Variants in RGSL1 observed in about 807,000 individuals in gnomAD.
RGSL1 encodes the protein regulator of G protein signaling protein-like.
A neutral mutation model predicts 124.7 loss-of-function variants in RGSL1; 97 were observed. That is an observed-to-expected ratio of 0.78 (90% CI 0.66 to 0.92). RGSL1 has a LOEUF of 0.92. Among genes scored for constraint, RGSL1 ranks in the 40% least tolerant of loss-of-function variants. RGSL1 has a pLI of 0.00. For synonymous variants in RGSL1, 424 were observed against 438.1 expected, an observed-to-expected ratio of 0.97 and a Z score of 0.40; for missense variants, 1,233 against 1,288.4, an observed-to-expected ratio of 0.96 and a Z score of 0.66.
chr1:182,517,934 T>A (rs1658021793), intron 9 of RGSL1, among the ~76,000 whole-genome samples: 2 of 152,238 alleles, frequency 1.3e-5, no homozygotes, highest in African/African-American at 4.8e-5. Context: ...TTGCTCTTGT[T>A]TCTTGTGGGT....
At chr1:182,501,302 CTTTT>C (rs1656351993) in intron 9 of RGSL1, among the ~76,000 whole-genome samples, 1 of 54,240 alleles carries the variant, frequency 1.8e-5, no homozygotes, top group Non-Finnish European at 3.7e-5. Context: ...TTTCTTTTTT[CTTTT>C]CTTTTTTTTT....
chr1:182,478,410 A>G (rs1654455766), intron 6 of RGSL1, among the ~76,000 whole-genome samples: 2 of 152,234 alleles, frequency 1.3e-5, no homozygotes, highest in African/African-American at 4.8e-5. Context: ...TAATGACTCA[A>G]CTGAAAAATT....
intron 4 of RGSL1, among the ~76,000 whole-genome samples, chr1:182,461,688 G>A (rs1242931473): frequency 6.6e-6 from 1 of 152,108 alleles, no homozygotes; most frequent in Non-Finnish European, 1.5e-5. Flanking sequence ...AAGTAATTCT[G>A]TAGCTGAAAA....
chr1:182,491,246 C>T (rs1032438588), intron 8 of RGSL1, among the ~76,000 whole-genome samples: 9 of 152,072 alleles, frequency 5.9e-5, no homozygotes, highest in African/African-American at 2.2e-4. Flanking sequence ...GATGGAGTCT[C>T]GCTTTGTCTC....
At chr1:182,553,985 T>C (rs955058637) in intron 19 of RGSL1, among the ~76,000 whole-genome samples, 11 of 152,156 alleles carry the variant, frequency 7.2e-5, no homozygotes, top group African/African-American at 2.7e-4. Flanking sequence ...ATGAATCTCT[T>C]CCCTGTCACA....
chr1:182,538,104 A>T (rs1659660884), intron 14 of RGSL1, among the ~76,000 whole-genome samples: 1 of 152,202 alleles, frequency 6.6e-6, no homozygotes, highest in Non-Finnish European at 1.5e-5. Context: ...CACTGTCCTT[A>T]ATTCTCTGAC....
chr1:182,554,668 G>T lies in RGSL1; in HGVS notation c.3172G>T (p.Ala1058Ser). Reference sequence around the variant, plus strand: ...TACTCAGCCAAGACTCGTGGTATCTGCCATGCAGCTGCATCCCGTCCAGGG... The same window carrying T: ...TACTCAGCCAAGACTCGTGGTATCTTCCATGCAGCTGCATCCCGTCCAGGG... ...KLTQPRLVVS[A>S]MQLHPVQGQK... is the part of the protein sequence containing the mutation. Residue 1058 changes from alanine to serine, a missense_variant, in exon 20 of 22, where the codon GCC becomes TCC. Transcript: ENST00000294854. 3 of 1,551,674 alleles carry T rather than the reference G, an allele frequency of 1.9e-6. No homozygotes were observed. The highest frequency in any genetic ancestry group is 2.6e-6 in the Non-Finnish European group (3 of 1,146,982).
At chr1:182,546,088 G>A (rs915525775) in intron 15 of RGSL1, among the ~76,000 whole-genome samples, 2 of 151,990 alleles carry the variant, frequency 1.3e-5, no homozygotes, top group African/African-American at 2.4e-5. Context: ...TATCTTGTAG[G>A]TGTCTTCATT....
intron 9 of RGSL1, among the ~76,000 whole-genome samples, chr1:182,504,012 ACT>A (rs1656612744): frequency 1.6e-5 from 2 of 121,704 alleles, no homozygotes; most frequent in African/African-American, 3.2e-5. Flanking sequence ...ACAGAGTCTC[ACT>A]CTGTCACCCA....
At chr1:182,472,145 C>A (rs542497568) in intron 4 of RGSL1, among the ~76,000 whole-genome samples, 1 of 152,138 alleles carries the variant, frequency 6.6e-6, no homozygotes, top group African/African-American at 2.4e-5. Context: ...GTTTTCCCTC[C>A]AGTGATGGTT....
chr1:182,504,529 TG>T (rs1251908647), intron 9 of RGSL1, among the ~76,000 whole-genome samples: 2 of 148,796 alleles, frequency 1.3e-5, no homozygotes, highest in East Asian at 4.1e-4. Flanking sequence ...TGTAGAAGAC[TG>T]GACTTTTTAA....
chr1:182,489,151 A>G lies in RGSL1; in HGVS notation c.1666A>G (p.Lys556Glu). ...QWRKIATEDL[K>E]QGGSLQVELT... is the part of the protein sequence containing the mutation. ...GCGAAAGATAGCTACTGAGGACCTG[A>G]AGCAAGGAGGCTCTCTCCAGGTAGA... The change falls in exon 8 of 22, where the codon AAG becomes GAG. Residue 556 changes from lysine to glutamate, a missense_variant. By Grantham distance (56) the Lys-to-Glu change is moderately conservative. Coordinates refer to ENST00000294854, the MANE Select transcript of RGSL1 (RefSeq NM_001137669.2). 2 of 1,551,718 alleles carry G rather than the reference A, an allele frequency of 1.3e-6. No homozygotes were observed. The highest frequency in any genetic ancestry group is 1.7e-6 in the Non-Finnish European group (2 of 1,146,994).
At chr1:182,526,905 T>C (rs566249856) in intron 10 of RGSL1, among the ~76,000 whole-genome samples, 21 of 152,160 alleles carry the variant, frequency 1.4e-4, no homozygotes, top group Non-Finnish European at 2.8e-4. Context: ...AATAGGTGTA[T>C]AAAGGAAGAA....
At chr1:182,486,749 C>T (rs1655128734) in intron 6 of RGSL1, among the ~76,000 whole-genome samples, 1 of 152,146 alleles carries the variant, frequency 6.6e-6, no homozygotes, top group Non-Finnish European at 1.5e-5. Context: ...GATCTTAGCT[C>T]ACTGCAACCT....
intron 21 of RGSL1, among the ~76,000 whole-genome samples, chr1:182,559,257 C>A (rs1217787677): frequency 6.6e-6 from 1 of 152,172 alleles, no homozygotes; most frequent in Non-Finnish European, 1.5e-5. Context: ...CTAACAGGAT[C>A]CACAGCACAA....
chr1:182,509,746 A>G (rs1316080137), intron 9 of RGSL1, among the ~76,000 whole-genome samples: 19 of 112,210 alleles, frequency 1.7e-4, no homozygotes, highest in East Asian at 1.0e-3. Flanking sequence ...CCCGGATGGC[A>G]CGGCTGGCCG....
intron 8 of RGSL1, among the ~76,000 whole-genome samples, chr1:182,491,737 C>T (rs936252011): frequency 6.6e-6 from 1 of 152,130 alleles, no homozygotes; most frequent in Non-Finnish European, 1.5e-5. Flanking sequence ...CCCCAGTACT[C>T]TTTATAGACT....
intron 9 of RGSL1, among the ~76,000 whole-genome samples, chr1:182,515,281 G>A (rs1657778253): frequency 6.6e-6 from 1 of 152,178 alleles, no homozygotes; most frequent in African/African-American, 2.4e-5. Flanking sequence ...TTAGTCGACA[G>A]GAATTGGTCC....
rs1362261867 is a variant in RGSL1 at position 182,527,564 on chromosome 1, T to C, written c.1932-15T>C. ...ATTCCTTTCTCTCTACCAAAGATGC[T>C]TTCTTGTTTTCCAGAAACTTGACAG... On this transcript the variant is annotated splice_polypyrimidine_tract_variant and intron_variant, in intron 10 of 21. Transcript: ENST00000294854. The C allele has an allele frequency of 6.5e-7, 1 of 1,535,444 alleles. No homozygotes were observed. The highest frequency in any genetic ancestry group is 8.8e-7 in the Non-Finnish European group (1 of 1,140,972).
Sources: allele counts gnomAD v4.1 joint callset (sites outside exome capture counted in the v4.1 genomes callset), GRCh38; gene constraint gnomAD v4.1.1; transcripts MANE v1.5; gene names NCBI Gene and HGNC (gene_info 2026-07-23, HGNC 2026-07-21).